PARD3: variants seen among roughly 807,000 people sequenced by gnomAD.
PARD3 encodes par-3 family cell polarity regulator, also known as partitioning defective 3 homolog.
PARD3 carries 75 observed loss-of-function variants against 155.4 expected under a neutral mutation model. The observed-to-expected ratio is 0.48, with a 90% CI of 0.40 to 0.58. The LOEUF is 0.58. Ranked by LOEUF, PARD3 falls within the 20% of genes least tolerant of loss-of-function variation. The pLI is 0.00. For missense variants in PARD3, 1,642 were observed against 1,721.7 expected, an observed-to-expected ratio of 0.95 and a Z score of 0.82; for synonymous variants, 576 against 610.5, an observed-to-expected ratio of 0.94 and a Z score of 0.83.
At chr10:34,353,549 A>G (rs948783175) in intron 14 of PARD3, among the ~76,000 whole-genome samples, 3 of 152,124 alleles carry the variant, frequency 2.0e-5, no homozygotes, top group African/African-American at 7.2e-5. Flanking sequence ...CCACTCCCTA[A>G]TCTCAAGTAC....
At chr10:34,162,236 C>G (rs1949319007) in intron 22 of PARD3, among the ~76,000 whole-genome samples, 1 of 152,128 alleles carries the variant, frequency 6.6e-6, no homozygotes, top group Non-Finnish European at 1.5e-5. Flanking sequence ...GTGGAGCCAC[C>G]AGGAATTCAA....
intron 22 of PARD3, among the ~76,000 whole-genome samples, chr10:34,234,747 T>C (rs1953125548): frequency 6.6e-6 from 1 of 152,244 alleles, no homozygotes; most frequent in Admixed American, 6.5e-5. Flanking sequence ...CTCACCACTA[T>C]GTACCCAGCA....
intron 22 of PARD3, among the ~76,000 whole-genome samples, chr10:34,173,495 T>G (rs1235996258): frequency 6.6e-6 from 1 of 152,142 alleles, no homozygotes; most frequent in African/African-American, 2.4e-5. Flanking sequence ...GTAACTTTTT[T>G]CCTCCACCTG....
intron 1 of PARD3, among the ~76,000 whole-genome samples, chr10:34,748,823 A>C (rs1385447791): frequency 6.6e-6 from 1 of 152,176 alleles, no homozygotes; most frequent in East Asian, 1.9e-4. Context: ...GCCTTCTAAT[A>C]AAATCCTATG....
At chr10:34,441,812 G>T (rs1037069767) in intron 5 of PARD3, among the ~76,000 whole-genome samples, 2 of 152,116 alleles carry the variant, frequency 1.3e-5, no homozygotes, top group African/African-American at 4.8e-5. Context: ...TTTAACACGT[G>T]TTAGAATACC....
intron 5 of PARD3, among the ~76,000 whole-genome samples, chr10:34,436,953 G>A (rs993986642): frequency 5.3e-5 from 8 of 152,144 alleles, no homozygotes; most frequent in Non-Finnish European, 1.2e-4. Flanking sequence ...GGCTGAATAC[G>A]GGGAGGAGAG....
intron 6 of PARD3, among the ~76,000 whole-genome samples, chr10:34,401,340 T>C (rs1475865982): frequency 1.3e-5 from 2 of 152,206 alleles, no homozygotes; most frequent in African/African-American, 2.4e-5. Context: ...TCATTAAATA[T>C]CTTGAAAGAT....
In PARD3 at chr10:34,285,930, T is replaced by C. The variant is rs138079890; in HGVS notation, c.3066-1685A>G. The stretch of plus-strand genomic sequence containing the variant: ...AAATTAACTTTATAAAGCAAATCTA[T>C]CCTTAAAATTAAATTTTTGATCACT... On this transcript the variant is annotated intron_variant, in intron 20 of 24. Coordinates refer to ENST00000374788, the MANE Select transcript of PARD3 (RefSeq NM_001184785.2). Among the ~76,000 whole-genome samples, 352 of 152,146 alleles carry C rather than the reference T, an allele frequency of 2.3e-3. 10 individuals are homozygous for C. The East Asian group carries it at 0.063, about 27-fold the overall frequency.
intron 2 of PARD3, among the ~76,000 whole-genome samples, chr10:34,611,808 T>C (rs1013913215): frequency 2.1e-5 from 1 of 46,580 alleles, no homozygotes; most frequent in Non-Finnish European, 3.3e-5. Flanking sequence ...CATTTCTTTC[T>C]TTTTTTTTTT....
At chr10:34,302,651 C>CTG (rs1957209455) in intron 20 of PARD3, among the ~76,000 whole-genome samples, 1 of 152,184 alleles carries the variant, frequency 6.6e-6, no homozygotes, top group South Asian at 2.1e-4. Flanking sequence ...GTGCCCATAC[C>CTG]TGTACACGAG....
At chr10:34,552,931 T>TTC (rs1051924162) in intron 2 of PARD3, among the ~76,000 whole-genome samples, 2 of 152,186 alleles carry the variant, frequency 1.3e-5, no homozygotes, top group Non-Finnish European at 2.9e-5. Flanking sequence ...AATATAACAG[T>TTC]AACACCAACT....
chr10:34,404,599 TG>T (rs1166792678), intron 5 of PARD3, among the ~76,000 whole-genome samples: 5 of 151,926 alleles, frequency 3.3e-5, no homozygotes, highest in South Asian at 4.2e-4. Context: ...TACAGCCATT[TG>T]TTTTTTTTTT....
At chr10:34,325,328 C>T (rs1200271728) in intron 19 of PARD3, among the ~76,000 whole-genome samples, 1 of 152,080 alleles carries the variant, frequency 6.6e-6, no homozygotes, top group Admixed American at 6.6e-5. Flanking sequence ...ATGCTCTCAC[C>T]TGCCCCATAC....
At chr10:34,718,149 C>CAAAAA (rs71033340) in intron 1 of PARD3, among the ~76,000 whole-genome samples, 6 of 82,746 alleles carry the variant, frequency 7.3e-5, no homozygotes, top group Non-Finnish European at 4.9e-5. Flanking sequence ...GACTCCATCT[C>CAAAAA]AAAAAAAAAA....
chr10:34,251,973 A>G (rs2133743289), intron 22 of PARD3, among the ~76,000 whole-genome samples: 1 of 151,960 alleles, frequency 6.6e-6, no homozygotes, highest in Non-Finnish European at 1.5e-5. Context: ...AACAGACAAC[A>G]CCCCCTGCCC....
intron 22 of PARD3, among the ~76,000 whole-genome samples, chr10:34,264,621 AG>A (rs1955202453): frequency 1.3e-5 from 2 of 152,162 alleles, no homozygotes; most frequent in African/African-American, 2.4e-5. Context: ...CTAGCTTTAT[AG>A]GAAGTCCCCA....
chr10:34,317,009 A>T, intron 20 of PARD3, 98 bp downstream of exon 20: 1 of 1,113,502 alleles, frequency 9.0e-7, no homozygotes, highest in Non-Finnish European at 1.2e-6. Flanking sequence ...AGCTGGGATT[A>T]CAGGTGTGCA....
intron 3 of PARD3, among the ~76,000 whole-genome samples, chr10:34,487,817 A>C (rs2133280864): frequency 6.6e-6 from 1 of 152,324 alleles, no homozygotes; most frequent in African/African-American, 2.4e-5. Flanking sequence ...TTCAACAATC[A>C]TGTAATTAAA....
intron 15 of PARD3, chr10:34,345,080 ATAC>A (rs1837265365): frequency 1.0e-6 from 1 of 982,530 alleles, no homozygotes; most frequent in African/African-American, 1.7e-5. Flanking sequence ...TTATAAATTG[ATAC>A]TAATAAAGAA....
Sources: allele counts gnomAD v4.1 joint callset (sites outside exome capture counted in the v4.1 genomes callset), GRCh38; gene constraint gnomAD v4.1.1; transcripts MANE v1.5; gene names NCBI Gene and HGNC (gene_info 2026-07-23, HGNC 2026-07-21).